Variants in SCAMP1 observed in about 807,000 individuals in gnomAD.
The protein encoded by SCAMP1 is secretory carrier membrane protein 1.
SCAMP1 carries 15 observed loss-of-function variants against 41.8 expected under a neutral mutation model. That is an observed-to-expected ratio of 0.36 (90% CI 0.24 to 0.55). SCAMP1 has a LOEUF of 0.55. Ranked by LOEUF, SCAMP1 falls within the 20% of genes least tolerant of loss-of-function variation. The pLI is 0.86. For synonymous variants in SCAMP1, 135 were observed against 136.8 expected (o/e 0.99, Z 0.09); for missense variants, 341 against 412.6 (o/e 0.83, Z 1.50).
rs141989832 is a variant in SCAMP1 at position 78,469,890 on chromosome 5, T to TAAAAAAAAAA, written c.853-5601_853-5592dup. Among the ~76,000 whole-genome samples the TAAAAAAAAAA allele has an allele frequency of 6.0e-4, 9 of 15,026 alleles. 1 individual carries two copies. Among genetic ancestry groups the TAAAAAAAAAA allele is most frequent in the Admixed American group, 3.3e-3 (3 of 914 alleles). The allele number at this position is 15,026 out of a possible 152,430, so 9.9% of individuals were successfully genotyped here. The stretch of plus-strand genomic sequence containing the variant: ...TACCCTCCAACCCCTTACAAGACAT[T>TAAAAAAAAAA]AAAAAAAAAAAAAAAAAAAAAACAA... On this transcript the variant is annotated intron_variant, in intron 8 of 8. Transcript: ENST00000621999.
At chr5:78,450,184 A>G in intron 7 of SCAMP1, 150 bp downstream of exon 7, 1 of 567,728 alleles carries the variant, frequency 1.8e-6, no homozygotes, top group Non-Finnish European at 3.0e-6. Context: ...AAAATGTCAT[A>G]AGGCATAAAC....
At chr5:78,460,799 TCCTTCCTC>T (rs1400729405) in intron 8 of SCAMP1, among the ~76,000 whole-genome samples, 1 of 45,038 alleles carries the variant, frequency 2.2e-5, no homozygotes, top group African/African-American at 9.3e-5. Context: ...CTTCCTTCCT[TCCTTCCTC>T]CCTTCCTTCC....
chr5:78,411,966 A>G (rs67590667), intron 2 of SCAMP1, among the ~76,000 whole-genome samples: 41,406 of 151,974 alleles, frequency 0.27, 5,941 homozygotes, highest in East Asian at 0.54. Context: ...TTTTAAAAAT[A>G]ATTATGTAAA....
intron 6 of SCAMP1, among the ~76,000 whole-genome samples, chr5:78,428,465 C>G (rs1015794208): frequency 6.6e-6 from 1 of 152,126 alleles, no homozygotes; most frequent in Admixed American, 6.5e-5. Flanking sequence ...GGACTCAGTT[C>G]TGATCTATTG....
intron 2 of SCAMP1, among the ~76,000 whole-genome samples, chr5:78,398,475 C>T (rs1372562948): frequency 6.8e-6 from 1 of 147,724 alleles, no homozygotes; most frequent in African/African-American, 2.5e-5. Flanking sequence ...AGCAATCTTC[C>T]CACCTTGGCC....
chr5:78,431,220 C>T (rs933123045), intron 6 of SCAMP1, among the ~76,000 whole-genome samples: 3 of 151,674 alleles, frequency 2.0e-5, no homozygotes, highest in African/African-American at 4.8e-5. Flanking sequence ...AATATATAGC[C>T]TGCTCTTGTT....
At position 78,438,374 on chromosome 5, in the gene SCAMP1, C is replaced by G. The variant is rs535974405; in HGVS notation, c.633-11559C>G. Among the ~76,000 whole-genome samples the G allele has an allele frequency of 8.0e-4, 122 of 152,342 alleles. 2 individuals carry two copies. The highest frequency in any genetic ancestry group is 3.4e-3 in the Middle Eastern group (1 of 294). ...TTAGCGCTATAAATTTCCCTCTACACACTGCTTTAAATGTGTCCTAGGGAT... is the reference window on the plus strand; with the variant it reads ...TTAGCGCTATAAATTTCCCTCTACAGACTGCTTTAAATGTGTCCTAGGGAT... On this transcript the variant is annotated intron_variant, in intron 6 of 8. Transcript: ENST00000621999.
At chr5:78,460,313 T>A (rs1299986260) in intron 8 of SCAMP1, among the ~76,000 whole-genome samples, 1 of 152,236 alleles carries the variant, frequency 6.6e-6, no homozygotes, top group Non-Finnish European at 1.5e-5. Context: ...TATTTTTACT[T>A]CTTTGAGAAA....
chr5:78,407,779 T>G (rs1367817044), intron 2 of SCAMP1, among the ~76,000 whole-genome samples: 1 of 152,176 alleles, frequency 6.6e-6, no homozygotes, highest in Middle Eastern at 3.2e-3. Flanking sequence ...TTTGTGTAGT[T>G]TGCTGTTCAA....
chr5:78,375,969 C>G (rs1323148554), intron 1 of SCAMP1, among the ~76,000 whole-genome samples: 1 of 152,120 alleles, frequency 6.6e-6, no homozygotes, highest in African/African-American at 2.4e-5. Context: ...TTTTATTTTA[C>G]TCCATATAAA....
chr5:78,377,442 T>G (rs1395502027), intron 1 of SCAMP1, among the ~76,000 whole-genome samples: 6 of 152,338 alleles, frequency 3.9e-5, no homozygotes, highest in Non-Finnish European at 7.3e-5. Flanking sequence ...TTGGATTGAT[T>G]AGCAGTTAGT....
At position 78,450,011 on chromosome 5, in the gene SCAMP1, A is replaced by T; in HGVS notation, c.711A>T (p.Ala237=). The T allele has an allele frequency of 6.4e-7, 1 of 1,567,780 alleles. No individual in the cohort carries two copies. The highest frequency in any genetic ancestry group is 8.6e-7 in the Non-Finnish European group (1 of 1,159,722). Residue 237 remains alanine, a synonymous_variant, in exon 7 of 9, where the codon GCA becomes GCT. Transcript: ENST00000621999. ...CQFAVHVLQA[A]GFHNWGNCGW... is the part of the protein sequence containing the mutation. Reference sequence around the variant, plus strand: ...TTGCTGTACATGTACTCCAAGCTGCAGGATTTCATAACTGGGGCAATTGGT... The same window carrying T: ...TTGCTGTACATGTACTCCAAGCTGCTGGATTTCATAACTGGGGCAATTGGT...
rs543179241 is a variant in SCAMP1, at chr5:78,449,525, T to C, written c.633-408T>C. On this transcript the variant is annotated intron_variant, in intron 6 of 8. Coordinates refer to ENST00000621999, the MANE Select transcript of SCAMP1 (RefSeq NM_004866.6). ...GGAAACTTTGGGGATATGCTCATCA[T>C]AGTGATTGGGGAATCAAGTATATAA... Among the ~76,000 whole-genome samples, 141 of 152,378 alleles carry C rather than the reference T, an allele frequency of 9.3e-4. 1 individual carries two copies. Among genetic ancestry groups the C allele is most frequent in the African/African-American group, 3.3e-3 (137 of 41,594 alleles).
At chr5:78,444,203 C>T (rs1410479116) in intron 6 of SCAMP1, among the ~76,000 whole-genome samples, 1 of 152,152 alleles carries the variant, frequency 6.6e-6, no homozygotes, top group African/African-American at 2.4e-5. Flanking sequence ...AGAAAAGCAC[C>T]TGTACTTCTT....
At chr5:78,387,501 A>G (rs1416260685) in intron 1 of SCAMP1, among the ~76,000 whole-genome samples, 1 of 151,178 alleles carries the variant, frequency 6.6e-6, no homozygotes, top group Non-Finnish European at 1.5e-5. Flanking sequence ...ATTGCTGGTG[A>G]GCTAGTGTGA....
chr5:78,427,629 A>G (rs534724297), intron 6 of SCAMP1, among the ~76,000 whole-genome samples: 1 of 152,160 alleles, frequency 6.6e-6, no homozygotes, highest in Non-Finnish European at 1.5e-5. Flanking sequence ...TGTTTTCTAA[A>G]GTGGGTGTAC....
At chr5:78,472,550 G>T (rs965823795) in intron 8 of SCAMP1, among the ~76,000 whole-genome samples, 2 of 152,064 alleles carry the variant, frequency 1.3e-5, no homozygotes, top group African/African-American at 4.8e-5. Context: ...TGATTAGCCT[G>T]TCATCTTTCA....
chr5:78,457,524 A>T (rs1448298459), intron 7 of SCAMP1, among the ~76,000 whole-genome samples: 4 of 152,124 alleles, frequency 2.6e-5, no homozygotes, highest in Non-Finnish European at 4.4e-5. Flanking sequence ...GACCCAGTTG[A>T]GGAGGCAGTC....
At chr5:78,460,666 T>G (rs1753562393) in intron 8 of SCAMP1, among the ~76,000 whole-genome samples, 1 of 151,920 alleles carries the variant, frequency 6.6e-6, no homozygotes, top group African/African-American at 2.4e-5. Context: ...ATGCATAGTT[T>G]GCACATATTT....
Sources: allele counts gnomAD v4.1 joint callset (sites outside exome capture counted in the v4.1 genomes callset), GRCh38; gene constraint gnomAD v4.1.1; transcripts MANE v1.5; gene names NCBI Gene and HGNC (gene_info 2026-07-23, HGNC 2026-07-21).